The following RALYL variants were observed in gnomAD, a reference collection of about 807,000 sequenced individuals.
The protein encoded by RALYL is RNA-binding Raly-like protein.
RALYL carries 29 observed loss-of-function variants against 35.1 expected under a neutral mutation model. That is an observed-to-expected ratio of 0.83 (90% confidence interval 0.61 to 1.13). RALYL has a LOEUF of 1.13. Among genes scored for constraint, RALYL ranks in the 50% most tolerant of loss-of-function variants. The pLI, the probability that RALYL is intolerant of heterozygous loss-of-function variation, is 0.00. For synonymous variants in RALYL, 120 were observed against 127.6 expected, an observed-to-expected ratio of 0.94 and a Z score of 0.40; for missense variants, 359 against 360.4, an observed-to-expected ratio of 1.00 and a Z score of 0.03.
At chr8:84,438,510 T>G (rs993774758) in intron 1 of RALYL, among the ~76,000 whole-genome samples, 8 of 152,142 alleles carry the variant, frequency 5.3e-5, no homozygotes, top group Non-Finnish European at 2.9e-5. Context: ...TGCCTCAGCC[T>G]CATAATTAGA....
chr8:84,834,107 A>G (rs752251668), intron 4 of RALYL, among the ~76,000 whole-genome samples: 4 of 152,240 alleles, frequency 2.6e-5, no homozygotes, highest in African/African-American at 4.8e-5. Context: ...TGCATGAACT[A>G]TGAAAAACAT....
chr8:84,424,794 T>A (rs1249432772), intron 1 of RALYL, among the ~76,000 whole-genome samples: 1 of 151,620 alleles, frequency 6.6e-6, no homozygotes, highest in Non-Finnish European at 1.5e-5. Context: ...TGCAGGTCTG[T>A]TGGAATACCC....
At chr8:84,412,403 G>C (rs16922856) in intron 1 of RALYL, among the ~76,000 whole-genome samples, 4,712 of 151,734 alleles carry the variant, frequency 0.031, 239 homozygotes, top group African/African-American at 0.11. Context: ...TGTTCTTTAC[G>C]TGAAAGTTCA....
chr8:84,845,350 GT>G (rs919231936), intron 4 of RALYL, among the ~76,000 whole-genome samples: 3 of 149,436 alleles, frequency 2.0e-5, no homozygotes, highest in Non-Finnish European at 4.5e-5. Flanking sequence ...TACATCTGTT[GT>G]TTTTTTATTT....
chr8:84,816,191 A>T (rs1827251206), intron 4 of RALYL, among the ~76,000 whole-genome samples: 1 of 152,178 alleles, frequency 6.6e-6, no homozygotes, highest in African/African-American at 2.4e-5. Context: ...GGAATCAAAG[A>T]TCCTTCATTT....
intron 1 of RALYL, among the ~76,000 whole-genome samples, chr8:84,391,454 T>C (rs1384623754): frequency 6.6e-6 from 1 of 152,052 alleles, no homozygotes; most frequent in Admixed American, 6.6e-5. Flanking sequence ...GCCACAAAAT[T>C]TACTTATTAA....
intron 2 of RALYL, among the ~76,000 whole-genome samples, chr8:84,724,334 C>A (rs1320765850): frequency 2.6e-5 from 4 of 151,732 alleles, no homozygotes; most frequent in Non-Finnish European, 4.4e-5. Context: ...GTATAAATGA[C>A]AACTTTCATA....
At chr8:84,363,066 G>A (rs1420631407) in intron 1 of RALYL, among the ~76,000 whole-genome samples, 2 of 152,084 alleles carry the variant, frequency 1.3e-5, no homozygotes, top group African/African-American at 4.8e-5. Flanking sequence ...CTGTCACCAC[G>A]CTTTTGGTGA....
chr8:84,463,954 T>C (rs2051159943), intron 1 of RALYL, among the ~76,000 whole-genome samples: 1 of 152,048 alleles, frequency 6.6e-6, no homozygotes, highest in African/African-American at 2.4e-5. Flanking sequence ...TTTCGCCTTT[T>C]CTAGAATGTC....
intron 1 of RALYL, among the ~76,000 whole-genome samples, chr8:84,361,331 G>A (rs1852972635): frequency 6.6e-6 from 1 of 152,084 alleles, no homozygotes; most frequent in Non-Finnish European, 1.5e-5. Flanking sequence ...CAAGCCCTTG[G>A]CTGTGCTGGA....
chr8:84,860,214 G>A (rs1157201312), intron 5 of RALYL, among the ~76,000 whole-genome samples: 1 of 152,118 alleles, frequency 6.6e-6, no homozygotes, highest in Non-Finnish European at 1.5e-5. Flanking sequence ...TTTTACTATA[G>A]CACTCTTACA....
intron 1 of RALYL, among the ~76,000 whole-genome samples, chr8:84,425,328 A>T (rs1327364206): frequency 2.0e-5 from 3 of 151,650 alleles, no homozygotes; most frequent in African/African-American, 7.3e-5. Context: ...TGCGTCCGTC[A>T]CCCCTTTCTT....
intron 1 of RALYL, among the ~76,000 whole-genome samples, chr8:84,496,939 T>G (rs1429599460): frequency 6.6e-6 from 1 of 152,284 alleles, no homozygotes; most frequent in African/African-American, 2.4e-5. Context: ...TCCCTCTTGT[T>G]TGATTGGAAT....
chr8:84,816,935 TATA>T (rs1475680715), intron 4 of RALYL, among the ~76,000 whole-genome samples: 2 of 151,996 alleles, frequency 1.3e-5, no homozygotes, highest in Non-Finnish European at 2.9e-5. Context: ...ATTTTAAAAT[TATA>T]AAAAGAAATA....
chr8:84,595,985 T>G (rs1814435176), intron 2 of RALYL, among the ~76,000 whole-genome samples: 1 of 152,002 alleles, frequency 6.6e-6, no homozygotes, highest in South Asian at 2.1e-4. Flanking sequence ...GAGCACCAAA[T>G]TTCAGGTGAC....
rs1849270759 is a variant in RALYL at position 84,921,153 on chromosome 8, G to T, written c.*242G>T. The T allele has an allele frequency of 3.0e-5, 9 of 298,944 alleles. No homozygotes were observed. The highest frequency in any genetic ancestry group is 5.9e-5 in the East Asian group (1 of 16,904). The allele number at this position is 298,944 out of a possible 1,614,324, so 18.5% of individuals were successfully genotyped here. The stretch of plus-strand genomic sequence containing the variant: ...ATGTGTTTTCCCCTTTGCTAATTAT[G>T]TTTTTTTTTTCAGTCTTAAAATGTG... On this transcript the variant is annotated 3_prime_UTR_variant, in exon 9 of 9. Coordinates refer to ENST00000521268, the MANE Select transcript of RALYL (RefSeq NM_173848.7).
At chr8:84,277,512 T>A (rs1835650782) in intron 1 of RALYL, among the ~76,000 whole-genome samples, 1 of 151,890 alleles carries the variant, frequency 6.6e-6, no homozygotes. Context: ...TTCCCAACAG[T>A]CCCCCAAAGT....
At chr8:84,216,385 A>G (rs964652087) in intron 1 of RALYL, among the ~76,000 whole-genome samples, 4 of 142,414 alleles carry the variant, frequency 2.8e-5, no homozygotes, top group Non-Finnish European at 4.7e-5. Flanking sequence ...AACATTTTTA[A>G]TAGGGAAGTT....
chr8:84,621,060 C>G (rs1230668189), intron 2 of RALYL, among the ~76,000 whole-genome samples: 2 of 152,166 alleles, frequency 1.3e-5, no homozygotes, highest in Non-Finnish European at 2.9e-5. Flanking sequence ...TGTGCCCTGC[C>G]CCCAGAGGTG....
Sources: allele counts gnomAD v4.1 joint callset (sites outside exome capture counted in the v4.1 genomes callset), GRCh38; gene constraint gnomAD v4.1.1; transcripts MANE v1.5; gene names NCBI Gene and HGNC (gene_info 2026-07-23, HGNC 2026-07-21).